SLC35D2: variants seen among roughly 807,000 people sequenced by gnomAD.
SLC35D2 encodes solute carrier family 35 member D2.
A neutral mutation model predicts 41.8 loss-of-function variants in SLC35D2; 43 were observed. The ratio of observed to expected loss-of-function variants is 1.03; its 90% CI spans 0.81 to 1.33. The LOEUF is 1.33. SLC35D2 is among the 40% of genes most tolerant of loss of function. The pLI, the probability that SLC35D2 is intolerant of heterozygous loss-of-function variation, is 0.00. For synonymous variants in SLC35D2, 150 were observed against 163.9 expected (o/e 0.92, Z 0.65); for missense variants, 380 against 408.4 (o/e 0.93, Z 0.60).
intron 9 of SLC35D2, among the ~76,000 whole-genome samples, chr9:96,327,331 C>T (rs1017143970): frequency 6.6e-6 from 1 of 152,196 alleles, no homozygotes; most frequent in Non-Finnish European, 1.5e-5. Flanking sequence ...AAGTGATCCT[C>T]CCGCCTGTCT....
intron 7 of SLC35D2, 129 bp downstream of exon 7, chr9:96,345,170 A>C (rs1175549158): frequency 5.3e-6 from 3 of 563,352 alleles, no homozygotes; most frequent in Non-Finnish European, 6.2e-6. Flanking sequence ...AGATAATTGA[A>C]AATAAGGAAT....
chr9:96,313,480 A>C (rs775028571), exon 12 of SLC35D2, among the ~76,000 whole-genome samples: 28 of 152,214 alleles, frequency 1.8e-4, no homozygotes, highest in Non-Finnish European at 3.1e-4. Context: ...TTCATTACAT[A>C]AACTTCACTG....
chr9:96,316,831 TTATATA>T (rs57494958), downstream of SLC35D2, among the ~76,000 whole-genome samples: 80,711 of 151,480 alleles, frequency 0.53, 21,664 homozygotes, highest in African/African-American at 0.6. Flanking sequence ...GAGATATACT[TTATATA>T]TATATAAAGT....
intron 7 of SLC35D2, 39 bp from the exon 8 acceptor site, chr9:96,344,035 A>C: frequency 7.5e-7 from 1 of 1,333,150 alleles, no homozygotes; most frequent in Non-Finnish European, 1.0e-6. Context: ...CAGTTTCAGA[A>C]ACGTGAGGCA....
At chr9:96,365,881 C>T (rs746850160) in intron 2 of SLC35D2, among the ~76,000 whole-genome samples, 1 of 152,138 alleles carries the variant, frequency 6.6e-6, no homozygotes, top group Non-Finnish European at 1.5e-5. Flanking sequence ...TCCTTCAACA[C>T]GATTATAATC....
intron 1 of SLC35D2, among the ~76,000 whole-genome samples, chr9:96,372,610 A>T (rs1830753260): frequency 8.1e-6 from 1 of 123,308 alleles, no homozygotes; most frequent in Admixed American, 9.1e-5. Flanking sequence ...TTTGAGAACG[A>T]ATCTCACTCT....
chr9:96,337,476 C>T (rs1460481582), intron 8 of SLC35D2, among the ~76,000 whole-genome samples: 1 of 151,902 alleles, frequency 6.6e-6, no homozygotes, highest in African/African-American at 2.4e-5. Context: ...CCTTGGCCTC[C>T]CAAAGTACTG....
chr9:96,362,400 G>A (rs776763207), intron 3 of SLC35D2, among the ~76,000 whole-genome samples: 9 of 152,120 alleles, frequency 5.9e-5, no homozygotes, highest in East Asian at 1.9e-4. Context: ...CCAGCCACTC[G>A]GGAGGCTGAG....
At chr9:96,383,343 C>T in intron 1 of SLC35D2, 134 bp downstream of exon 1, 1 of 555,894 alleles carries the variant, frequency 1.8e-6, no homozygotes, top group Non-Finnish European at 2.8e-6. Context: ...GCCTGGGAAA[C>T]TCGACCAATG....
chr9:96,343,523 T>C (rs1422136451), intron 8 of SLC35D2, among the ~76,000 whole-genome samples: 1 of 152,262 alleles, frequency 6.6e-6, no homozygotes, highest in Non-Finnish European at 1.5e-5. Context: ...TGTTTCAAAA[T>C]GTCCGTAATA....
chr9:96,324,000 CCAA>C (rs1828384900), intron 10 of SLC35D2, 88 bp downstream of exon 10: 1 of 1,130,768 alleles, frequency 8.8e-7, no homozygotes, highest in Non-Finnish European at 1.3e-6. Flanking sequence ...TACACCACCA[CCAA>C]CAACAAAATC....
chr9:96,315,856 A>T (rs1828039801), downstream of SLC35D2, among the ~76,000 whole-genome samples: 2 of 152,342 alleles, frequency 1.3e-5, no homozygotes, highest in South Asian at 4.1e-4. Context: ...ACCAATTACC[A>T]AAAACCAGAT....
At position 96,360,692 on chromosome 9, in the gene SLC35D2, C is replaced by T. The variant is rs1830235527; in HGVS notation, c.280-471G>A. 2.1e-5 allele frequency among the ~76,000 whole-genome samples: 3 copies of T among 145,500 alleles called. 1 individual carries two copies. Among genetic ancestry groups the T allele is most frequent in the Non-Finnish European group, 4.5e-5 (3 of 66,518 alleles). The stretch of plus-strand genomic sequence containing the variant: ...CTTCTCACTAGTCATCAGGGAAATG[C>T]AAACTAAAGCCCATAAGATGTCACG... On this transcript the variant is annotated intron_variant, in intron 3 of 11. Coordinates refer to ENST00000253270, the MANE Select transcript of SLC35D2 (RefSeq NM_007001.3).
chr9:96,377,558 G>A (rs1386383943), intron 1 of SLC35D2, among the ~76,000 whole-genome samples: 3 of 152,164 alleles, frequency 2.0e-5, no homozygotes, highest in Admixed American at 6.5e-5. Context: ...CACCCAGATT[G>A]TATGTATGAC....
chr9:96,339,713 C>T (rs1380314697), intron 8 of SLC35D2, among the ~76,000 whole-genome samples: 1 of 152,026 alleles, frequency 6.6e-6, no homozygotes, highest in Non-Finnish European at 1.5e-5. Context: ...GAACCTATTG[C>T]AGTGATTCAA....
At chr9:96,345,255 G>T in intron 7 of SLC35D2, 44 bp downstream of exon 7, 1 of 929,308 alleles carries the variant, frequency 1.1e-6, no homozygotes, top group Non-Finnish European at 1.7e-6. Flanking sequence ...ATAATTCTAG[G>T]GGCCAGATGA....
intron 4 of SLC35D2, chr9:96,357,696 G>C (rs1273307038): frequency 6.6e-6 from 1 of 151,998 alleles, no homozygotes; most frequent in Admixed American, 6.6e-5. Flanking sequence ...AACATCAAAA[G>C]TACAAGCAAC....
chr9:96,368,705 T>TTA (rs1244535556), intron 1 of SLC35D2, among the ~76,000 whole-genome samples: 5 of 148,996 alleles, frequency 3.4e-5, no homozygotes, highest in Middle Eastern at 3.3e-3. Context: ...TATGTGTATA[T>TTA]TATATATATA....
downstream of SLC35D2, among the ~76,000 whole-genome samples, chr9:96,317,151 A>AG (rs947147124): frequency 1.1e-4 from 17 of 151,312 alleles, no homozygotes; most frequent in African/African-American, 2.2e-4. Flanking sequence ...AAAAAAAAAA[A>AG]GTATTAAAAC....
Sources: allele counts gnomAD v4.1 joint callset (sites outside exome capture counted in the v4.1 genomes callset), GRCh38; gene constraint gnomAD v4.1.1; transcripts MANE v1.5; gene names NCBI Gene and HGNC (gene_info 2026-07-23, HGNC 2026-07-21).